Variants in DLG2 observed in about 807,000 individuals in gnomAD.
DLG2 encodes disks large homolog 2.
A neutral mutation model predicts 132.5 loss-of-function variants in DLG2; 45 were observed. The observed-to-expected ratio is 0.34, with a 90% confidence interval of 0.27 to 0.44. The LOEUF is 0.44. Among genes scored for constraint, DLG2 ranks in the 20% least tolerant of loss-of-function variants. DLG2 has a pLI of 1.00. For synonymous variants in DLG2, 424 were observed against 419.6 expected (o/e 1.01, Z -0.13); for missense variants, 1,045 against 1,196.9 (o/e 0.87, Z 1.87).
At chr11:83,880,178 G>A (rs1416850156) in intron 15 of DLG2, among the ~76,000 whole-genome samples, 1 of 152,112 alleles carries the variant, frequency 6.6e-6, no homozygotes, top group Admixed American at 6.6e-5. Flanking sequence ...GTTGGCAATG[G>A]TGGGCTCTCC....
At chr11:84,431,611 A>T (rs1189368033) in intron 7 of DLG2, among the ~76,000 whole-genome samples, 1 of 152,066 alleles carries the variant, frequency 6.6e-6, no homozygotes, top group Admixed American at 6.6e-5. Context: ...GTTGAGTCTG[A>T]CTGGCACAAG....
chr11:84,995,206 G>A (rs1278358861), intron 6 of DLG2, among the ~76,000 whole-genome samples: 1 of 152,122 alleles, frequency 6.6e-6, no homozygotes, highest in Admixed American at 6.5e-5. Context: ...TTACGGTAAA[G>A]ATGAAACATG....
At chr11:84,581,265 T>C (rs2099515676) in intron 6 of DLG2, among the ~76,000 whole-genome samples, 1 of 152,220 alleles carries the variant, frequency 6.6e-6, no homozygotes, top group Non-Finnish European at 1.5e-5. Context: ...ATTCCATCTT[T>C]GGAAGTCTAG....
At chr11:84,105,907 ATTTG>A (rs1334064043) in intron 9 of DLG2, among the ~76,000 whole-genome samples, 2 of 152,110 alleles carry the variant, frequency 1.3e-5, no homozygotes, top group East Asian at 1.9e-4. Context: ...CAGCAAAGCC[ATTTG>A]TTTATTTTAA....
chr11:84,967,185 A>T (rs1463382912), intron 6 of DLG2, among the ~76,000 whole-genome samples: 1 of 152,154 alleles, frequency 6.6e-6, no homozygotes, highest in Non-Finnish European at 1.5e-5. Context: ...TAGTATAGAA[A>T]TTACAAAATC....
chr11:84,627,326 G>C (rs1303350148), intron 6 of DLG2, among the ~76,000 whole-genome samples: 3 of 152,122 alleles, frequency 2.0e-5, no homozygotes, highest in Non-Finnish European at 4.4e-5. Context: ...TTTGCTGTTA[G>C]TAAATTGAAC....
chr11:85,160,963 C>T (rs533978599), intron 4 of DLG2, among the ~76,000 whole-genome samples: 1 of 152,298 alleles, frequency 6.6e-6, no homozygotes, highest in Admixed American at 6.5e-5. Flanking sequence ...CCACACTTTG[C>T]ATGGAAGGAG....
chr11:85,567,361 T>C (rs2077587583), intron 3 of DLG2, among the ~76,000 whole-genome samples: 1 of 152,200 alleles, frequency 6.6e-6, no homozygotes, highest in Non-Finnish European at 1.5e-5. Flanking sequence ...TTTAGAGTTT[T>C]AGTCTTTCAC....
At chr11:85,057,039 T>C (rs965384063) in intron 6 of DLG2, among the ~76,000 whole-genome samples, 1 of 151,762 alleles carries the variant, frequency 6.6e-6, no homozygotes, top group Non-Finnish European at 1.5e-5. Flanking sequence ...AATATATGGG[T>C]AAGTCTAAGT....
chr11:83,870,269 T>C (rs2027759), intron 16 of DLG2, among the ~76,000 whole-genome samples: 114,623 of 152,098 alleles, frequency 0.75, 43,415 homozygotes, highest in Middle Eastern at 0.88. Flanking sequence ...AATTTCGCAC[T>C]GTCCAACCTC....
chr11:84,417,482 T>C (rs1353825655), intron 7 of DLG2, among the ~76,000 whole-genome samples: 15 of 152,276 alleles, frequency 9.9e-5, no homozygotes, highest in Admixed American at 7.2e-4. Flanking sequence ...AAATCATACA[T>C]AGTCCCTCAT....
At chr11:84,202,452 T>C (rs1461827198) in intron 8 of DLG2, among the ~76,000 whole-genome samples, 2 of 152,150 alleles carry the variant, frequency 1.3e-5, no homozygotes, top group Admixed American at 6.5e-5. Context: ...CCTTAAACCT[T>C]ATACAAAAAT....
intron 7 of DLG2, among the ~76,000 whole-genome samples, chr11:84,446,791 A>C (rs1281682343): frequency 6.6e-6 from 1 of 151,954 alleles, no homozygotes; most frequent in Non-Finnish European, 1.5e-5. Flanking sequence ...GGTGATCCTA[A>C]CGTCAAGTGT....
chr11:84,579,203 G>A (rs1165892124), intron 6 of DLG2, among the ~76,000 whole-genome samples: 2 of 151,764 alleles, frequency 1.3e-5, no homozygotes, highest in Non-Finnish European at 2.9e-5. Context: ...GTGTGTGTGT[G>A]TGTGTGTGTG....
chr11:84,572,693 C>T (rs1206290297), intron 6 of DLG2, among the ~76,000 whole-genome samples: 1 of 152,052 alleles, frequency 6.6e-6, no homozygotes, highest in African/African-American at 2.4e-5. Context: ...TTTGCCTGAG[C>T]CGTTTCTCAA....
At chr11:83,468,480 T>C (rs566814810) in intron 25 of DLG2, among the ~76,000 whole-genome samples, 3 of 152,272 alleles carry the variant, frequency 2.0e-5, no homozygotes, top group South Asian at 2.1e-4. Flanking sequence ...GGGAGGAAAA[T>C]AGATGCAACT....
intron 11 of DLG2, among the ~76,000 whole-genome samples, chr11:83,997,977 CA>C (rs200794167): frequency 2.0e-5 from 3 of 149,690 alleles, no homozygotes; most frequent in South Asian, 4.3e-4. Context: ...ACTAAAAATA[CA>C]AAAAAAATTA....
chr11:85,246,534 C>A (rs1387956899), intron 4 of DLG2, among the ~76,000 whole-genome samples: 1 of 145,494 alleles, frequency 6.9e-6, no homozygotes, highest in Non-Finnish European at 1.5e-5. Context: ...CTCTCCACGT[C>A]CCTCCCCCTC....
At chr11:84,619,950 T>A (rs1411969333) in intron 6 of DLG2, among the ~76,000 whole-genome samples, 1 of 151,282 alleles carries the variant, frequency 6.6e-6, no homozygotes, top group Non-Finnish European at 1.5e-5. Flanking sequence ...GTTTCCAAGT[T>A]CATCTAAAAT....
Sources: allele counts gnomAD v4.1 joint callset (sites outside exome capture counted in the v4.1 genomes callset), GRCh38; gene constraint gnomAD v4.1.1; transcripts MANE v1.5; gene names NCBI Gene and HGNC (gene_info 2026-07-23, HGNC 2026-07-21).